The following KLF12 variants were observed in gnomAD, a reference collection of about 807,000 sequenced individuals.
KLF12 encodes KLF transcription factor 12.
In KLF12, 9 loss-of-function variants were observed where a neutral mutation model predicts 37.8. The observed-to-expected ratio is 0.24, with a 90% CI of 0.14 to 0.42. The LOEUF is 0.42. KLF12 is among the 10% of genes least tolerant of loss of function. The pLI, the probability that KLF12 is intolerant of heterozygous loss-of-function variation, is 1.00. For synonymous variants in KLF12, 208 were observed against 202.1 expected (o/e 1.03, Z -0.25); for missense variants, 411 against 516.0 (o/e 0.80, Z 1.97).
intron 3 of KLF12, among the ~76,000 whole-genome samples, chr13:73,884,241 C>A (rs1455828354): frequency 2.0e-5 from 3 of 152,212 alleles, no homozygotes; most frequent in East Asian, 1.9e-4. Context: ...TACCTATATT[C>A]TTCTCTTTTC....
At chr13:73,979,156 C>A (rs1351686802) in intron 2 of KLF12, among the ~76,000 whole-genome samples, 1 of 152,014 alleles carries the variant, frequency 6.6e-6, no homozygotes, top group African/African-American at 2.4e-5. Context: ...CTAATATAAA[C>A]CAGGAACTTT....
chr13:73,691,531 C>A lies in KLF12; in HGVS notation c.*3959G>T, dbSNP rs1168059777. 5 of 152,630 alleles carry A rather than the reference C, an allele frequency of 3.3e-5. No homozygotes were observed. The highest frequency in any genetic ancestry group is 1.2e-4 in the African/African-American group (5 of 41,452). The allele number at this position is 152,630 out of a possible 1,614,324, so 9.5% of individuals were successfully genotyped here. A position where few individuals can be genotyped will look rare whatever the true frequency, so the allele number is the denominator to read the frequency against. ...TCACATTCAGTCCCTTATACGCAGA[C>A]TGTAACATGGATGCTGGTATTCTTA... On this transcript the variant is annotated 3_prime_UTR_variant, in exon 8 of 8. Transcript: ENST00000377669.
intron 6 of KLF12, among the ~76,000 whole-genome samples, chr13:73,734,875 A>G (rs1460001653): frequency 1.3e-5 from 2 of 152,162 alleles, no homozygotes; most frequent in African/African-American, 4.8e-5. Flanking sequence ...CAGGTCAGGA[A>G]TTCCAATCAG....
At chr13:73,910,661 G>A (rs1888523973) in intron 3 of KLF12, among the ~76,000 whole-genome samples, 1 of 152,108 alleles carries the variant, frequency 6.6e-6, no homozygotes, top group Non-Finnish European at 1.5e-5. Context: ...GGCACAACAG[G>A]CTGACAATCA....
At chr13:73,812,235 A>G (rs1882976190) in intron 5 of KLF12, among the ~76,000 whole-genome samples, 1 of 152,156 alleles carries the variant, frequency 6.6e-6, no homozygotes, top group Non-Finnish European at 1.5e-5. Flanking sequence ...GGGGTGTCAG[A>G]GAAAAGAGGA....
At chr13:73,713,740 G>A (rs549881906) in intron 7 of KLF12, among the ~76,000 whole-genome samples, 13 of 152,340 alleles carry the variant, frequency 8.5e-5, no homozygotes, top group Non-Finnish European at 1.2e-4. Context: ...CTGCCATGGA[G>A]TTAAATCCTT....
chr13:74,206,779 T>G, the KLF12 span, among the ~76,000 whole-genome samples: 15 of 152,212 alleles, frequency 9.9e-5, no homozygotes, highest in African/African-American at 3.6e-4. Context: ...ACATGACACT[T>G]TGGCAATTTA....
At chr13:73,915,689 ATTTTTTTTTTTTT>A (rs140697314) in intron 3 of KLF12, among the ~76,000 whole-genome samples, 3 of 99,150 alleles carry the variant, frequency 3.0e-5, no homozygotes, top group African/African-American at 1.2e-4. Context: ...ATTTTTTTGT[ATTTTTTTTTTTTT>A]TTTTTTTTTT....
intron 1 of KLF12, among the ~76,000 whole-genome samples, chr13:74,002,397 C>CAT (rs1892302938): frequency 2.0e-5 from 3 of 152,248 alleles, no homozygotes; most frequent in South Asian, 2.1e-4. Context: ...GTTTTCGAGA[C>CAT]AGGGTCTCAC....
At chr13:73,931,042 G>A (rs1485400613) in intron 3 of KLF12, among the ~76,000 whole-genome samples, 1 of 151,816 alleles carries the variant, frequency 6.6e-6, no homozygotes, top group Non-Finnish European at 1.5e-5. Context: ...ATTTTTAGTA[G>A]AGATGGTGTT....
At chr13:73,882,925 G>C (rs1396247701) in intron 3 of KLF12, among the ~76,000 whole-genome samples, 2 of 152,104 alleles carry the variant, frequency 1.3e-5, no homozygotes, top group Admixed American at 6.5e-5. Context: ...GTCTTACTCA[G>C]GAGTCATACT....
In KLF12 at chr13:73,838,351, T is replaced by C. The variant is rs1023817807; in HGVS notation, c.670+7476A>G. On this transcript the variant is annotated intron_variant, in intron 4 of 7. Coordinates refer to ENST00000377669, the MANE Select transcript of KLF12 (RefSeq NM_007249.5). ...CATCCCTTTGAAACTCCTGAATGGATGCTATGAAAATAACATATTTTTGGA... is the reference window on the plus strand; with the variant it reads ...CATCCCTTTGAAACTCCTGAATGGACGCTATGAAAATAACATATTTTTGGA... Among the ~76,000 whole-genome samples the C allele has an allele frequency of 6.0e-4, 92 of 152,150 alleles. 1 individual carries two copies. Among genetic ancestry groups the C allele is most frequent in the African/African-American group, 2.1e-3 (89 of 41,452 alleles).
At chr13:73,843,254 T>C (rs559648385) in intron 4 of KLF12, among the ~76,000 whole-genome samples, 2 of 152,258 alleles carry the variant, frequency 1.3e-5, no homozygotes, top group South Asian at 4.1e-4. Flanking sequence ...AGATAATAAG[T>C]AATTTCAATC....
At chr13:73,981,590 T>C (rs1891689648) in intron 2 of KLF12, among the ~76,000 whole-genome samples, 1 of 152,216 alleles carries the variant, frequency 6.6e-6, no homozygotes, top group Non-Finnish European at 1.5e-5. Context: ...CATGTACTTA[T>C]ATATGATGAA....
At chr13:74,088,967 T>C (rs533456922) in intron 1 of KLF12, among the ~76,000 whole-genome samples, 1 of 152,340 alleles carries the variant, frequency 6.6e-6, no homozygotes, top group Admixed American at 6.5e-5. Context: ...ATGCAAGCTC[T>C]TAAAAAATAA....
chr13:73,707,554 T>C (rs768801412), intron 7 of KLF12, among the ~76,000 whole-genome samples: 2 of 152,200 alleles, frequency 1.3e-5, no homozygotes, highest in Non-Finnish European at 2.9e-5. Context: ...AAATGATTTA[T>C]TATCTTGGCA....
At chr13:74,139,386 A>G in the KLF12 span, among the ~76,000 whole-genome samples, 1 of 152,240 alleles carries the variant, frequency 6.6e-6, no homozygotes, top group Non-Finnish European at 1.5e-5. Context: ...TCTTGAATCA[A>G]TGAAACAACT....
At chr13:74,088,987 G>A (rs1875488131) in intron 1 of KLF12, among the ~76,000 whole-genome samples, 1 of 152,166 alleles carries the variant, frequency 6.6e-6, no homozygotes, top group Non-Finnish European at 1.5e-5. Context: ...AAACGCCTGT[G>A]TAGTAAATTA....
chr13:74,124,162 T>C (rs1237640122), intron 1 of KLF12, among the ~76,000 whole-genome samples: 1 of 152,260 alleles, frequency 6.6e-6, no homozygotes, highest in East Asian at 1.9e-4. Flanking sequence ...ATTAATGCTT[T>C]TAATCGACTC....
Sources: allele counts gnomAD v4.1 joint callset (sites outside exome capture counted in the v4.1 genomes callset), GRCh38; gene constraint gnomAD v4.1.1; transcripts MANE v1.5; gene names NCBI Gene and HGNC (gene_info 2026-07-23, HGNC 2026-07-21).